Variants in PXDN observed in about 807,000 individuals in gnomAD.
The protein encoded by PXDN is peroxidasin homolog.
PXDN carries 77 observed loss-of-function variants against 140.3 expected under a neutral mutation model. That is an observed-to-expected ratio of 0.55 (90% CI 0.46 to 0.66). The LOEUF (loss-of-function observed/expected upper bound fraction) is 0.66. PXDN is among the 30% of genes least tolerant of loss of function. The probability of loss-of-function intolerance (pLI) is 0.00; values close to 1 mark genes in which losing one functional copy is unlikely to be tolerated. For missense variants in PXDN, 1,838 were observed against 2,039.5 expected (o/e 0.90, Z 1.90); for synonymous variants, 911 against 857.4 (o/e 1.06, Z -1.09).
At chr2:1,721,211 C>T (rs1024518491) in intron 1 of PXDN, among the ~76,000 whole-genome samples, 46 of 152,252 alleles carry the variant, frequency 3.0e-4, no homozygotes, top group African/African-American at 1.1e-3. Context: ...AGGCAGGCAG[C>T]GTGGCTGAGG....
Position 1,687,849 on chromosome 2 carries a change from C to T in PXDN, c.345-146G>A. 1.8e-6 allele frequency: 1 copy of T among 569,370 alleles called. No homozygotes were observed. The highest frequency in any genetic ancestry group is 2.9e-4 in the Middle Eastern group (1 of 3,464). 35.3% of individuals were successfully genotyped at this position (569,370 alleles called of 1,614,324 possible). The stretch of plus-strand genomic sequence containing the variant: ...AAACAAACCATCTGCACGGTGAGTA[C>T]AGTGCCTCTCCCAAGGGCTTCCCTT... On this transcript the variant is annotated intron_variant, in intron 3 of 22. Coordinates refer to ENST00000252804, the MANE Select transcript of PXDN (RefSeq NM_012293.3). The surrounding 1 kb of genome is among the most constrained non-coding windows in gnomAD (Gnocchi z 4.0).
intron 1 of PXDN, among the ~76,000 whole-genome samples, chr2:1,736,548 C>CA (rs1685428149): frequency 6.6e-6 from 1 of 152,150 alleles, no homozygotes; most frequent in South Asian, 2.1e-4. Flanking sequence ...AAGCCAGCCA[C>CA]ATGGCTCACA....
intron 13 of PXDN, 70 bp downstream of exon 13, chr2:1,662,002 G>A: frequency 7.4e-7 from 1 of 1,359,674 alleles, no homozygotes; most frequent in Non-Finnish European, 1.0e-6. Context: ...TCCAGGTAGT[G>A]GGTGGTGTGG....
rs186438255 is a variant in PXDN, at chr2:1,678,932, C to T, written c.730+1261G>A. On this transcript the variant is annotated intron_variant, in intron 7 of 22. Transcript: ENST00000252804. The stretch of plus-strand genomic sequence containing the variant: ...GGTGCAGTACCCCCAGCCACCAGGC[C>T]GGCGCTCAGTTCTAACTGCCCCTGA... Among the ~76,000 whole-genome samples the T allele has an allele frequency of 3.2e-3, 491 of 152,248 alleles. 1 individual carries two copies. The highest frequency in any genetic ancestry group is 5.8e-3 in the Non-Finnish European group (395 of 68,024).
In PXDN at chr2:1,644,102, C is replaced by T. The variant is rs967394077; in HGVS notation, c.3743+516G>A. Reference sequence around the variant, plus strand: ...AAAAAAAAAAAAAAAAAAAAAAGAACGACAGTGTTAGCTCTTCTGACTAGC... The same window carrying T: ...AAAAAAAAAAAAAAAAAAAAAAGAATGACAGTGTTAGCTCTTCTGACTAGC... On this transcript the variant is annotated intron_variant, in intron 18 of 22. Transcript: ENST00000252804. Among the ~76,000 whole-genome samples the T allele has an allele frequency of 1.0e-4, 9 of 87,808 alleles. No homozygotes were observed. In the East Asian group the frequency reaches 2.1e-3, roughly 21 times the overall value. 57.6% of individuals were successfully genotyped at this position (87,808 alleles called of 152,430 possible).
chr2:1,729,590 T>G (rs12472747), intron 1 of PXDN, among the ~76,000 whole-genome samples: 34,313 of 151,528 alleles, frequency 0.23, 4,436 homozygotes, highest in East Asian at 0.61. Flanking sequence ...GGGATAAAAG[T>G]CTACACGTTG....
rs1486485450 is a variant in PXDN, at chr2:1,660,750, G to T, written c.1837+131C>A. On this transcript the variant is annotated intron_variant, in intron 14 of 22. Transcript: ENST00000252804. The surrounding 1 kb of genome is among the most constrained non-coding windows in gnomAD (Gnocchi z 4.6). The stretch of plus-strand genomic sequence containing the variant: ...ATGCATCAGGAGAGTGTCCCCACCT[G>T]GGAATCAAGGGTGCTTTGTCTTCTG... The T allele has an allele frequency of 1.6e-4, 201 of 1,220,700 alleles. No homozygotes were observed. The highest frequency in any genetic ancestry group is 2.1e-4 in the Non-Finnish European group (192 of 900,592). The allele number at this position is 1,220,700 out of a possible 1,614,324, so 75.6% of individuals were successfully genotyped here. A position where few individuals can be genotyped will look rare whatever the true frequency, so the allele number is the denominator to read the frequency against.
intron 8 of PXDN, among the ~76,000 whole-genome samples, 194 bp downstream of exon 8, chr2:1,676,733 C>T (rs1419088131): frequency 6.6e-6 from 1 of 152,206 alleles, no homozygotes; most frequent in Non-Finnish European, 1.5e-5. Flanking sequence ...GGGGCCCCAG[C>T]CTGGCAGAAA....
chr2:1,662,584 C>T (rs1558497074), intron 12 of PXDN, among the ~76,000 whole-genome samples: 1 of 152,308 alleles, frequency 6.6e-6, no homozygotes, highest in East Asian at 1.9e-4. Context: ...GAGAGCCCGA[C>T]TCTCGGAGAA....
Position 1,632,946 on chromosome 2 carries a change from G to A in PXDN, c.*1258C>T, listed in dbSNP as rs1682449825. 6.6e-6 allele frequency: 1 copy of A among 152,610 alleles called. No homozygotes were observed. Among genetic ancestry groups the A allele is most frequent in the Non-Finnish European group, 1.5e-5 (1 of 68,058 alleles). 9.5% of individuals were successfully genotyped at this position (152,610 alleles called of 1,614,324 possible). On this transcript the variant is annotated 3_prime_UTR_variant, in exon 23 of 23. Coordinates refer to ENST00000252804, the MANE Select transcript of PXDN (RefSeq NM_012293.3). This position sits in a 1 kb window ranked among gnomAD's most constrained non-coding sequence, Gnocchi z 4.3. ...GCTGCACTGAAGCTGTGTGTTCGGG[G>A]AAAGGTTGCTCAGAACACAGATCGC...
At chr2:1,738,782 G>A (rs7563918) in intron 1 of PXDN, among the ~76,000 whole-genome samples, 103,450 of 151,990 alleles carry the variant, frequency 0.68, 35,679 homozygotes, top group East Asian at 0.93. Context: ...CCCGAGCTCA[G>A]GCAATCTGCC....
At chr2:1,668,833 A>G (rs1289998052) in intron 9 of PXDN, among the ~76,000 whole-genome samples, 1 of 152,206 alleles carries the variant, frequency 6.6e-6, no homozygotes, top group Non-Finnish European at 1.5e-5. Context: ...AAATAGGAAC[A>G]TTTTTACGCT....
At chr2:1,688,528 T>C (rs1249405302) in intron 3 of PXDN, among the ~76,000 whole-genome samples, 1 of 152,156 alleles carries the variant, frequency 6.6e-6, no homozygotes, top group Non-Finnish European at 1.5e-5. Context: ...ATGCGCATTG[T>C]GCCCACCCAT....
intron 21 of PXDN, chr2:1,636,719 AG>A (rs1229040049): frequency 6.7e-6 from 1 of 148,518 alleles, no homozygotes; most frequent in African/African-American, 2.5e-5. Flanking sequence ...AGGAAGCCTC[AG>A]GAACAGTGGC....
intron 14 of PXDN, among the ~76,000 whole-genome samples, chr2:1,658,866 A>T (rs1683236833): frequency 6.7e-6 from 1 of 150,200 alleles, no homozygotes; most frequent in Non-Finnish European, 1.5e-5. Context: ...TCAGAATTCA[A>T]TACGCAGGCG....
At position 1,685,288 on chromosome 2, in the gene PXDN, G is replaced by A. The variant is rs536619193; in HGVS notation, c.417-1137C>T. On this transcript the variant is annotated intron_variant, in intron 4 of 22. Coordinates refer to ENST00000252804, the MANE Select transcript of PXDN (RefSeq NM_012293.3). This position sits in a 1 kb window ranked among gnomAD's most constrained non-coding sequence, Gnocchi z 5.1. ...AGCACTCCGCGCACGAATGGGAAAC[G>A]TGAGGGAAGGAAAAACTGGAGCAGG... Among the ~76,000 whole-genome samples, 7 of 152,354 alleles carry A rather than the reference G, an allele frequency of 4.6e-5. No individual in the cohort carries two copies. In the East Asian group the frequency reaches 5.8e-4, roughly 13 times the overall value.
In PXDN at chr2:1,654,387, A is replaced by G. The variant is rs770150770; in HGVS notation, c.1946+13T>C. ...GTGATTTGAGGGTCAGCGTGTTTAC[A>G]GCCCCACGATACCTGTCAAACAAAT... On this transcript the variant is annotated intron_variant, in intron 15 of 22. Coordinates refer to ENST00000252804, the MANE Select transcript of PXDN (RefSeq NM_012293.3). The G allele has an allele frequency of 3.8e-6, 6 of 1,592,664 alleles. No individual in the cohort carries two copies. The Admixed American group carries it at 1.0e-4, about 27-fold the overall frequency.
At chr2:1,683,635 C>A in intron 6 of PXDN, 21 bp downstream of exon 6, 1 of 1,447,002 alleles carries the variant, frequency 6.9e-7, no homozygotes, top group South Asian at 1.4e-5. Context: ...GCAAAGAAAA[C>A]ACAAAAGGTT....
intron 1 of PXDN, among the ~76,000 whole-genome samples, chr2:1,743,894 C>G (rs1029547990): frequency 1.3e-5 from 1 of 78,730 alleles, no homozygotes; most frequent in South Asian, 4.4e-4. Flanking sequence ...AGCGGGAGGC[C>G]GGCGGAGCAT....
Sources: gnomAD v4.1 joint callset for allele counts (sites outside exome capture counted in the v4.1 genomes callset) on GRCh38, gnomAD v4.1.1 for gene constraint, Gnocchi (gnomAD v3.1) non-coding constraint, MANE v1.5 for transcripts, NCBI Gene and HGNC (gene_info 2026-07-23, HGNC 2026-07-21) for gene names.